FNDC3B: variants seen among roughly 807,000 people sequenced by gnomAD.
The protein encoded by FNDC3B is fibronectin type III domain-containing protein 3B.
Under a neutral mutation model 151.5 loss-of-function variants are expected in FNDC3B, and 12 were observed. The observed-to-expected ratio is 0.08, with a 90% CI of 0.05 to 0.13. The LOEUF (loss-of-function observed/expected upper bound fraction) is 0.13, where lower values mean the gene tolerates loss of function less well. Among genes scored for constraint, FNDC3B ranks in the 10% least tolerant of loss-of-function variants. The pLI, the probability that FNDC3B is intolerant of heterozygous loss-of-function variation, is 1.00. For synonymous variants in FNDC3B, 528 were observed against 549.0 expected, an observed-to-expected ratio of 0.96 and a Z score of 0.54; for missense variants, 1,214 against 1,505.3, an observed-to-expected ratio of 0.81 and a Z score of 3.20.
At chr3:172,303,225 A>C (rs1731022749) in intron 9 of FNDC3B, among the ~76,000 whole-genome samples, 1 of 152,184 alleles carries the variant, frequency 6.6e-6, no homozygotes, top group Non-Finnish European at 1.5e-5. Flanking sequence ...TATCTTTATC[A>C]GCGATAGGAT....
At chr3:172,261,991 A>G (rs2108791010) in intron 6 of FNDC3B, among the ~76,000 whole-genome samples, 1 of 152,248 alleles carries the variant, frequency 6.6e-6, no homozygotes. Flanking sequence ...CATAAAAGAG[A>G]ATTGTGATGG....
intron 4 of FNDC3B, among the ~76,000 whole-genome samples, chr3:172,239,162 T>C (rs1727334675): frequency 6.6e-6 from 1 of 152,022 alleles, no homozygotes; most frequent in Non-Finnish European, 1.5e-5. Flanking sequence ...TGCAGCTGGG[T>C]GGGAGAGACA....
At chr3:172,338,643 A>T (rs562879827) in intron 16 of FNDC3B, among the ~76,000 whole-genome samples, 1 of 152,230 alleles carries the variant, frequency 6.6e-6, no homozygotes, top group Non-Finnish European at 1.5e-5. Flanking sequence ...TTAGACTTTA[A>T]TAGAGAAAAG....
intron 13 of FNDC3B, among the ~76,000 whole-genome samples, chr3:172,332,471 C>T (rs1732732196): frequency 6.6e-6 from 1 of 152,196 alleles, no homozygotes; most frequent in African/African-American, 2.4e-5. Flanking sequence ...GGAATGTGAG[C>T]TTCTTGTGGG....
intron 3 of FNDC3B, among the ~76,000 whole-genome samples, chr3:172,211,953 C>T (rs1379310643): frequency 6.6e-6 from 1 of 152,188 alleles, no homozygotes; most frequent in Non-Finnish European, 1.5e-5. Context: ...GCTGTTCTAC[C>T]TACTTCCTTA....
chr3:172,296,217 G>A (rs537029048), intron 8 of FNDC3B, among the ~76,000 whole-genome samples: 2 of 152,328 alleles, frequency 1.3e-5, no homozygotes, highest in Admixed American at 1.3e-4. Flanking sequence ...GCCTCCCTGT[G>A]AGTGGACCCT....
intron 1 of FNDC3B, among the ~76,000 whole-genome samples, chr3:172,075,979 A>G (rs749664662): frequency 6.4e-4 from 98 of 152,248 alleles, no homozygotes; most frequent in African/African-American, 2.3e-3. Context: ...CTTTCACATG[A>G]TAACCCTGTA....
intron 1 of FNDC3B, among the ~76,000 whole-genome samples, chr3:172,101,903 A>G (rs1393588076): frequency 6.6e-6 from 1 of 152,218 alleles, no homozygotes; most frequent in Admixed American, 6.5e-5. Flanking sequence ...AAAATTATTA[A>G]GTCTGCATTT....
intron 4 of FNDC3B, among the ~76,000 whole-genome samples, chr3:172,239,940 C>T (rs1278004779): frequency 8.0e-6 from 1 of 125,320 alleles, no homozygotes; most frequent in Admixed American, 1.0e-4. Context: ...GCGATCTTGG[C>T]TCACTGCAAG....
intron 3 of FNDC3B, among the ~76,000 whole-genome samples, chr3:172,198,027 T>C (rs1724931168): frequency 6.6e-6 from 1 of 152,256 alleles, no homozygotes; most frequent in Non-Finnish European, 1.5e-5. Flanking sequence ...CTCATGGTTT[T>C]GTTACAATTC....
intron 6 of FNDC3B, among the ~76,000 whole-genome samples, chr3:172,280,381 A>G (rs1729646195): frequency 6.6e-6 from 1 of 152,154 alleles, no homozygotes; most frequent in Admixed American, 6.5e-5. Flanking sequence ...TTGTTTTCAT[A>G]TTGATTGTTT....
intron 3 of FNDC3B, among the ~76,000 whole-genome samples, chr3:172,223,826 A>G (rs1010215527): frequency 9.2e-5 from 14 of 152,276 alleles, no homozygotes; most frequent in African/African-American, 3.4e-4. Flanking sequence ...CTATAAAATT[A>G]TAAAAAGCAT....
At chr3:172,349,553 A>G (rs1335916820) in intron 21 of FNDC3B, among the ~76,000 whole-genome samples, 1 of 152,256 alleles carries the variant, frequency 6.6e-6, no homozygotes, top group African/African-American at 2.4e-5. Context: ...AGTTAAAAAG[A>G]AAGTAGGATC....
chr3:172,298,936 G>C (rs1208574706), intron 9 of FNDC3B, 149 bp downstream of exon 9: 9 of 499,704 alleles, frequency 1.8e-5, no homozygotes, highest in Non-Finnish European at 2.1e-5. Context: ...TGACTCTCAA[G>C]AGCATCGTAA....
intron 2 of FNDC3B, among the ~76,000 whole-genome samples, chr3:172,120,574 G>A (rs1177835430): frequency 6.6e-6 from 1 of 151,710 alleles, no homozygotes; most frequent in Non-Finnish European, 1.5e-5. Context: ...GCATGGGGGG[G>A]GGTGTGTGTG....
chr3:172,227,604 A>T (rs1025494641), intron 4 of FNDC3B, among the ~76,000 whole-genome samples: 1 of 152,200 alleles, frequency 6.6e-6, no homozygotes, highest in African/African-American at 2.4e-5. Context: ...ATCTGTATAT[A>T]CTTTAGTTTT....
intron 3 of FNDC3B, among the ~76,000 whole-genome samples, chr3:172,185,285 G>A (rs12633433): frequency 0.15 from 22,405 of 152,030 alleles, 1,749 homozygotes; most frequent in Admixed American, 0.2. Context: ...AAAAAACATC[G>A]TGACCCCTTT....
chr3:172,220,402 T>C (rs1197161550), intron 3 of FNDC3B, among the ~76,000 whole-genome samples: 3 of 152,228 alleles, frequency 2.0e-5, no homozygotes, highest in African/African-American at 7.2e-5. Context: ...TGAGAGTTCT[T>C]CATATATTCT....
intron 3 of FNDC3B, among the ~76,000 whole-genome samples, chr3:172,194,296 G>GC (rs1252296321): frequency 6.6e-6 from 1 of 152,174 alleles, no homozygotes; most frequent in Non-Finnish European, 1.5e-5. Flanking sequence ...TCAACCAGCA[G>GC]CCCTTATGTG....
Sources: gnomAD v4.1 joint callset for allele counts (sites outside exome capture counted in the v4.1 genomes callset) on GRCh38, gnomAD v4.1.1 for gene constraint, MANE v1.5 for transcripts, NCBI Gene and HGNC (gene_info 2026-07-23, HGNC 2026-07-21) for gene names.